Variants in CCDC150 observed in about 807,000 individuals in gnomAD.
CCDC150 encodes coiled-coil domain-containing protein 150.
Under a neutral mutation model 156.5 loss-of-function variants are expected in CCDC150, and 151 were observed. The observed-to-expected ratio is 0.97, with a 90% CI of 0.85 to 1.10. The LOEUF (loss-of-function observed/expected upper bound fraction) is 1.10. Ranked by LOEUF, CCDC150 falls within the 50% of genes least tolerant of loss-of-function variation. The pLI, the probability that CCDC150 is intolerant of heterozygous loss-of-function variation, is 0.00. For missense variants in CCDC150, 1,312 were observed against 1,268.1 expected, an observed-to-expected ratio of 1.03 and a Z score of -0.53; for synonymous variants, 452 against 429.4, an observed-to-expected ratio of 1.05 and a Z score of -0.65.
chr2:196,704,491 A>G (rs1215993024), intron 15 of CCDC150, among the ~76,000 whole-genome samples: 1 of 152,126 alleles, frequency 6.6e-6, no homozygotes, highest in Non-Finnish European at 1.5e-5. Flanking sequence ...GCATATCCTA[A>G]GTTTTACTAG....
At chr2:196,725,701 T>G (rs145360481) in intron 21 of CCDC150, among the ~76,000 whole-genome samples, 1 of 152,338 alleles carries the variant, frequency 6.6e-6, no homozygotes, top group Non-Finnish European at 1.5e-5. Context: ...AAAGTGTTTC[T>G]TCTTCCTCCA....
At chr2:196,684,759 C>T (rs1442249461) in intron 13 of CCDC150, among the ~76,000 whole-genome samples, 2 of 152,090 alleles carry the variant, frequency 1.3e-5, no homozygotes, top group Non-Finnish European at 2.9e-5. Flanking sequence ...ATAAATGATA[C>T]ATCTTCTTGA....
intron 14 of CCDC150, among the ~76,000 whole-genome samples, chr2:196,698,709 CTT>C (rs1192141912): frequency 1.3e-5 from 2 of 152,034 alleles, no homozygotes; most frequent in Non-Finnish European, 2.9e-5. Context: ...TAAAATTATA[CTT>C]TAAGTTTTAG....
At chr2:196,678,715 C>T (rs553871557) in intron 13 of CCDC150, among the ~76,000 whole-genome samples, 1 of 152,062 alleles carries the variant, frequency 6.6e-6, no homozygotes, top group South Asian at 2.1e-4. Context: ...CCAGCCTGGC[C>T]AACAAGGCAA....
chr2:196,687,913 G>T lies in CCDC150; in HGVS notation c.1510-7133G>T, dbSNP rs527950280. On this transcript the variant is annotated intron_variant, in intron 13 of 27. Coordinates refer to ENST00000389175, the MANE Select transcript of CCDC150 (RefSeq NM_001080539.2). The stretch of plus-strand genomic sequence containing the variant: ...TGTCAAAGGTCAGATAGCTGAAGGT[G>T]TGTGGTCTTATTTCTGGGTTCTCTA... Among the ~76,000 whole-genome samples the T allele has an allele frequency of 6.6e-5, 10 of 152,228 alleles. No homozygotes were observed. In the South Asian group the frequency reaches 1.9e-3, roughly 28 times the overall value.
At chr2:196,718,687 C>T in intron 18 of CCDC150, 56 bp downstream of exon 18, 2 of 1,585,606 alleles carry the variant, frequency 1.3e-6, no homozygotes, top group South Asian at 2.4e-5. Flanking sequence ...CTTATGAAAT[C>T]TTTCATGAGC....
intron 17 of CCDC150, 74 bp from the exon 18 acceptor site, chr2:196,718,429 G>A (rs964930772): frequency 3.8e-5 from 45 of 1,173,360 alleles, no homozygotes; most frequent in African/African-American, 3.1e-5. Context: ...TTTAAAATTT[G>A]GTTTCTAAAT....
At chr2:196,684,607 C>T (rs1490455869) in intron 13 of CCDC150, among the ~76,000 whole-genome samples, 1 of 152,058 alleles carries the variant, frequency 6.6e-6, no homozygotes, top group African/African-American at 2.4e-5. Context: ...CCGCATTAAT[C>T]TTCTGTCCAG....
In CCDC150 at chr2:196,656,938, C is replaced by T. The variant is rs1258556295; in HGVS notation, c.398-20C>T. Reference sequence around the variant, plus strand: ...GACCTTCTTTCTGCTGCTTGATGCCCCTCCTGTGCGGTCTGGTAGCTTTTC... The same window carrying T: ...GACCTTCTTTCTGCTGCTTGATGCCTCTCCTGTGCGGTCTGGTAGCTTTTC... On this transcript the variant is annotated intron_variant, in intron 3 of 27. Transcript: ENST00000389175. 1.9e-6 allele frequency: 3 copies of T among 1,612,260 alleles called. No homozygotes were observed. Among genetic ancestry groups the T allele is most frequent in the Non-Finnish European group, 2.5e-6 (3 of 1,179,002 alleles).
intron 1 of CCDC150, among the ~76,000 whole-genome samples, chr2:196,641,216 A>G (rs1045284958): frequency 6.6e-6 from 1 of 151,932 alleles, no homozygotes; most frequent in African/African-American, 2.4e-5. Flanking sequence ...TGACCTCTTG[A>G]TCTGCCCGCC....
At chr2:196,721,894 C>A (rs1697940310) in intron 21 of CCDC150, among the ~76,000 whole-genome samples, 2 of 152,218 alleles carry the variant, frequency 1.3e-5, no homozygotes, top group South Asian at 4.1e-4. Context: ...ATTTGACTCT[C>A]CTTCTCAGCT....
intron 15 of CCDC150, among the ~76,000 whole-genome samples, chr2:196,709,964 G>C (rs1411609250): frequency 6.6e-6 from 1 of 152,212 alleles, no homozygotes; most frequent in East Asian, 1.9e-4. Flanking sequence ...CTACATGGGG[G>C]TCAGGGACCC....
At chr2:196,653,658 C>T (rs913302576) in intron 2 of CCDC150, among the ~76,000 whole-genome samples, 1 of 152,186 alleles carries the variant, frequency 6.6e-6, no homozygotes, top group Non-Finnish European at 1.5e-5. Flanking sequence ...TAAGAAGTTC[C>T]ACTTTCCCTC....
At chr2:196,711,249 C>T (rs1697092729) in intron 15 of CCDC150, among the ~76,000 whole-genome samples, 1 of 152,184 alleles carries the variant, frequency 6.6e-6, no homozygotes, top group Non-Finnish European at 1.5e-5. Context: ...CCCTAACACC[C>T]AGTACCCTCT....
intron 13 of CCDC150, among the ~76,000 whole-genome samples, chr2:196,681,612 C>T (rs1385106313): frequency 2.0e-5 from 3 of 152,164 alleles, no homozygotes; most frequent in Admixed American, 6.6e-5. Flanking sequence ...GTTCCAGTTT[C>T]TCCACATCCT....
chr2:196,701,275 T>A (rs1265225823), intron 15 of CCDC150, 95 bp downstream of exon 15: 1 of 851,434 alleles, frequency 1.2e-6, no homozygotes, highest in Non-Finnish European at 1.9e-6. Context: ...CCTAGCTCTG[T>A]CATTTACTAA....
intron 5 of CCDC150, 48 bp from the exon 6 acceptor site, chr2:196,665,519 A>T (rs1482803123): frequency 1.8e-6 from 2 of 1,108,310 alleles, no homozygotes; most frequent in African/African-American, 3.2e-5. Context: ...ATCTTTGTTA[A>T]ACTAGTATGA....
At chr2:196,664,276 C>G (rs919079983) in intron 5 of CCDC150, among the ~76,000 whole-genome samples, 1 of 152,174 alleles carries the variant, frequency 6.6e-6, no homozygotes, top group African/African-American at 2.4e-5. Flanking sequence ...AGATTGCCCC[C>G]CACTTTAGAT....
chr2:196,663,770 ATATAT>A (rs754736910), intron 5 of CCDC150, among the ~76,000 whole-genome samples: 5 of 152,254 alleles, frequency 3.3e-5, no homozygotes, highest in East Asian at 1.9e-4. Flanking sequence ...AAATTATAAA[ATATAT>A]TATCCATAGA....
Sources: gnomAD v4.1 joint callset for allele counts (sites outside exome capture counted in the v4.1 genomes callset) on GRCh38, gnomAD v4.1.1 for gene constraint, MANE v1.5 for transcripts, NCBI Gene and HGNC (gene_info 2026-07-23, HGNC 2026-07-21) for gene names.